Variants in SLC35F1 observed in about 807,000 individuals in gnomAD.
SLC35F1 encodes the protein solute carrier family 35 member F1, also known as chromosome 6 open reading frame 169.
Under a neutral mutation model 48.7 loss-of-function variants are expected in SLC35F1, and 14 were observed. The ratio of observed to expected loss-of-function variants is 0.29; its 90% CI spans 0.19 to 0.45. SLC35F1 has a LOEUF of 0.45. Among genes scored for constraint, SLC35F1 ranks in the 20% least tolerant of loss-of-function variants. SLC35F1 has a pLI of 1.00. For synonymous variants in SLC35F1, 190 were observed against 202.2 expected (o/e 0.94, Z 0.51); for missense variants, 404 against 500.0 (o/e 0.81, Z 1.83).
chr6:118,032,474 A>G (rs756723545), intron 1 of SLC35F1, among the ~76,000 whole-genome samples: 2 of 152,224 alleles, frequency 1.3e-5, no homozygotes, highest in East Asian at 3.8e-4. Flanking sequence ...AGTGGAATGC[A>G]TAGAGATGCC....
At chr6:118,162,152 T>C (rs995605953) in intron 2 of SLC35F1, among the ~76,000 whole-genome samples, 3 of 152,176 alleles carry the variant, frequency 2.0e-5, no homozygotes, top group Admixed American at 2.0e-4. Context: ...AAATTACAGT[T>C]AATTCATGCA....
intron 1 of SLC35F1, among the ~76,000 whole-genome samples, chr6:118,139,203 C>T (rs913265959): frequency 6.6e-6 from 1 of 152,120 alleles, no homozygotes; most frequent in East Asian, 1.9e-4. Flanking sequence ...AGCTCCATCT[C>T]CCGGGTTCAC....
At chr6:118,242,447 A>C (rs1775453164) in intron 3 of SLC35F1, among the ~76,000 whole-genome samples, 1 of 147,982 alleles carries the variant, frequency 6.8e-6, no homozygotes, top group African/African-American at 2.7e-5. Flanking sequence ...AAAGATATTG[A>C]AGTGGAGAAA....
chr6:118,111,271 A>G (rs1582671331), intron 1 of SLC35F1, among the ~76,000 whole-genome samples: 2 of 151,082 alleles, frequency 1.3e-5, no homozygotes, highest in East Asian at 3.9e-4. Context: ...GAAATAACAA[A>G]AAATCTACAC....
chr6:118,205,370 A>C (rs769347369), intron 2 of SLC35F1, among the ~76,000 whole-genome samples: 1 of 152,250 alleles, frequency 6.6e-6, no homozygotes, highest in African/African-American at 2.4e-5. Flanking sequence ...ACGCACATCT[A>C]TATAGCTGAT....
chr6:118,192,856 CA>C (rs912633047), intron 2 of SLC35F1, among the ~76,000 whole-genome samples: 2 of 152,042 alleles, frequency 1.3e-5, no homozygotes, highest in African/African-American at 4.8e-5. Context: ...TCAGAAAAGA[CA>C]ATTTTGAAGC....
chr6:118,285,435 T>C (rs1776037668), intron 7 of SLC35F1, 97 bp downstream of exon 7: 45 of 1,380,468 alleles, frequency 3.3e-5, no homozygotes, highest in Non-Finnish European at 4.4e-5. Flanking sequence ...TGATTTTGTG[T>C]AGGGAATAGT....
rs1776589183 is a variant in SLC35F1 at position 117,967,754 on chromosome 6, G to A, written c.173+59855G>A. Among the ~76,000 whole-genome samples the A allele has an allele frequency of 2.0e-5, 3 of 152,188 alleles. No individual in the cohort carries two copies. In the South Asian group the frequency reaches 6.2e-4, roughly 32 times the overall value. ...AACTTAATTATTCTGCTCCTTGGTA[G>A]ACACAGCTACCAAGAAAGGGTGAGT... On this transcript the variant is annotated intron_variant, in intron 1 of 7. Transcript: ENST00000360388.
intron 1 of SLC35F1, among the ~76,000 whole-genome samples, chr6:117,924,497 T>TATATAC (rs1491555578): frequency 8.8e-5 from 2 of 22,806 alleles, no homozygotes; most frequent in African/African-American, 1.6e-4. Flanking sequence ...TATATACATA[T>TATATAC]GTATATACGT....
chr6:118,018,503 A>G (rs893439037), intron 1 of SLC35F1, among the ~76,000 whole-genome samples: 12 of 152,146 alleles, frequency 7.9e-5, no homozygotes, highest in African/African-American at 2.7e-4. Context: ...GTAGATTGGC[A>G]AATTATGTAC....
chr6:118,015,073 C>A (rs541600396), intron 1 of SLC35F1, among the ~76,000 whole-genome samples: 1 of 152,226 alleles, frequency 6.6e-6, no homozygotes, highest in African/African-American at 2.4e-5. Flanking sequence ...AAGGGGAAAC[C>A]CCTTTTGCTT....
intron 2 of SLC35F1, among the ~76,000 whole-genome samples, chr6:118,217,677 T>A (rs1424736039): frequency 6.6e-6 from 1 of 152,220 alleles, no homozygotes; most frequent in Non-Finnish European, 1.5e-5. Context: ...AAAAAAATTA[T>A]ATAATTGCCT....
chr6:118,243,187 C>G (rs1775463044), intron 3 of SLC35F1, among the ~76,000 whole-genome samples: 1 of 152,152 alleles, frequency 6.6e-6, no homozygotes. Flanking sequence ...TGGGTTCACT[C>G]TTAATTAATT....
chr6:118,239,376 A>G (rs1775407083), intron 3 of SLC35F1, among the ~76,000 whole-genome samples: 1 of 151,658 alleles, frequency 6.6e-6, no homozygotes, highest in Non-Finnish European at 1.5e-5. Flanking sequence ...GGATGGGGAA[A>G]GGGAGGGAGG....
chr6:118,103,480 G>A (rs1037769079), intron 1 of SLC35F1, among the ~76,000 whole-genome samples: 1 of 152,186 alleles, frequency 6.6e-6, no homozygotes, highest in Admixed American at 6.5e-5. Flanking sequence ...AGTGTGGGGA[G>A]CAGCCACTCC....
chr6:117,920,598 G>A (rs1775885420), intron 1 of SLC35F1, among the ~76,000 whole-genome samples: 1 of 152,160 alleles, frequency 6.6e-6, no homozygotes, highest in African/African-American at 2.4e-5. Flanking sequence ...AATGCTAGAT[G>A]GGAGGAGTTA....
rs559203668 is a variant in SLC35F1 at position 118,274,231 on chromosome 6, C to T, written c.638-1228C>T. 3.4e-4 allele frequency among the ~76,000 whole-genome samples: 52 copies of T among 152,222 alleles called. No homozygotes were observed. The South Asian group carries it at 5.6e-3, about 16-fold the overall frequency. ...ACTTATGCAGGACAGAGCCAGAGACCACTTGGGTACAGAGCCCACCAGTGA... is the reference window on the plus strand; with the variant it reads ...ACTTATGCAGGACAGAGCCAGAGACTACTTGGGTACAGAGCCCACCAGTGA... On this transcript the variant is annotated intron_variant, in intron 4 of 7. Transcript: ENST00000360388.
chr6:118,212,687 A>C (rs915737173), intron 2 of SLC35F1, among the ~76,000 whole-genome samples: 2 of 148,338 alleles, frequency 1.3e-5, no homozygotes, highest in African/African-American at 5.1e-5. Flanking sequence ...AAAGAAAGAA[A>C]AGAAAGAAAG....
chr6:117,940,334 G>A (rs1776214419), intron 1 of SLC35F1, among the ~76,000 whole-genome samples: 1 of 152,042 alleles, frequency 6.6e-6, no homozygotes, highest in Non-Finnish European at 1.5e-5. Flanking sequence ...CATTACTGAG[G>A]GTCATCTGGG....
Sources: gnomAD v4.1 joint callset for allele counts (sites outside exome capture counted in the v4.1 genomes callset) on GRCh38, gnomAD v4.1.1 for gene constraint, MANE v1.5 for transcripts, NCBI Gene and HGNC (gene_info 2026-07-23, HGNC 2026-07-21) for gene names.